The following CDYL2 variants were observed in gnomAD, a reference collection of about 807,000 sequenced individuals.
The protein encoded by CDYL2 is chromodomain Y-like protein 2.
CDYL2 carries 23 observed loss-of-function variants against 49.4 expected under a neutral mutation model. The ratio of observed to expected loss-of-function variants is 0.47; its 90% CI spans 0.34 to 0.66. The LOEUF (loss-of-function observed/expected upper bound fraction) is 0.66. CDYL2 is among the 30% of genes least tolerant of loss of function. The probability of loss-of-function intolerance (pLI) is 0.01; values close to 1 mark genes in which losing one functional copy is unlikely to be tolerated. For missense variants in CDYL2, 678 were observed against 656.4 expected (o/e 1.03, Z -0.36); for synonymous variants, 360 against 268.8 (o/e 1.34, Z -3.32).
intron 1 of CDYL2, among the ~76,000 whole-genome samples, chr16:80,777,057 G>C (rs1286483378): frequency 1.3e-5 from 2 of 151,978 alleles, no homozygotes; most frequent in African/African-American, 2.4e-5. Flanking sequence ...CCTAAGCTCA[G>C]GCAATCCGTC....
Position 80,684,230 on chromosome 16 carries a change from G to A in CDYL2, c.616+308C>T, listed in dbSNP as rs112347788. Among the ~76,000 whole-genome samples, 951 of 152,308 alleles carry A rather than the reference G, an allele frequency of 6.2e-3. 11 individuals are homozygous for A. The highest frequency in any genetic ancestry group is 0.02 in the African/African-American group (851 of 41,568). On this transcript the variant is annotated intron_variant, in intron 2 of 6. Coordinates refer to ENST00000570137, the MANE Select transcript of CDYL2 (RefSeq NM_152342.4). The stretch of plus-strand genomic sequence containing the variant: ...GGGTGAGGACTTGAGCTGCCCTCAG[G>A]GAAGTGGGTCTAGAGGGGTTACCAT...
chr16:80,750,963 T>C (rs540108677), intron 1 of CDYL2, among the ~76,000 whole-genome samples: 50 of 152,020 alleles, frequency 3.3e-4, no homozygotes, highest in Admixed American at 1.4e-3. Context: ...GAGCTTGCAG[T>C]GAGCCAAGAT....
chr16:80,648,025 A>C (rs1467149092), intron 2 of CDYL2, among the ~76,000 whole-genome samples: 1 of 152,168 alleles, frequency 6.6e-6, no homozygotes, highest in Non-Finnish European at 1.5e-5. Context: ...ATTAAGAGGG[A>C]ATTTTATAGC....
chr16:80,750,397 CAAA>C (rs201472206), intron 1 of CDYL2, among the ~76,000 whole-genome samples: 1 of 113,382 alleles, frequency 8.8e-6, no homozygotes, highest in Admixed American at 8.7e-5. Context: ...AGACTGGATC[CAAA>C]AAAAAAAAAA....
chr16:80,653,823 T>C (rs74610859), intron 2 of CDYL2, among the ~76,000 whole-genome samples: 2,548 of 152,316 alleles, frequency 0.017, 58 homozygotes, highest in African/African-American at 0.039. Context: ...CTTCAACCCA[T>C]GGTTCTTACA....
chr16:80,783,636 C>T (rs1206523511), intron 1 of CDYL2, among the ~76,000 whole-genome samples: 1 of 152,178 alleles, frequency 6.6e-6, no homozygotes, highest in Non-Finnish European at 1.5e-5. Context: ...ATTCAAAATA[C>T]CACGAAATAT....
At chr16:80,795,175 G>C (rs1428616346) in intron 1 of CDYL2, among the ~76,000 whole-genome samples, 1 of 152,188 alleles carries the variant, frequency 6.6e-6, no homozygotes, top group African/African-American at 2.4e-5. Context: ...TTTGAGGGGA[G>C]GGCAGTGGCC....
At position 80,783,012 on chromosome 16, in the gene CDYL2, A is replaced by G. The variant is rs1034318078; in HGVS notation, c.24+21138T>C. Among the ~76,000 whole-genome samples, 3 of 152,260 alleles carry G rather than the reference A, an allele frequency of 2.0e-5. No homozygotes were observed. The South Asian group carries it at 6.2e-4, about 32-fold the overall frequency. ...GTTCTGCCTTAAACATGACACCAAG[A>G]GCTAAGGCAATGAAAGAAAACACAG... On this transcript the variant is annotated intron_variant, in intron 1 of 6. Transcript: ENST00000570137.
rs190105191 is a variant in CDYL2, at chr16:80,674,421, C to G, written c.616+10117G>C. ...TCATCCTACTTGCTAGCTTCTTTTT[C>G]TTCTCCTTTTTTTTAAAACAAAAAC... On this transcript the variant is annotated intron_variant, in intron 2 of 6. Coordinates refer to ENST00000570137, the MANE Select transcript of CDYL2 (RefSeq NM_152342.4). 2.2e-3 allele frequency among the ~76,000 whole-genome samples: 264 copies of G among 122,332 alleles called. 2 individuals carry two copies. The highest frequency in any genetic ancestry group is 6.5e-3 in the African/African-American group (254 of 39,312). The allele number at this position is 122,332 out of a possible 152,430, so 80.3% of individuals were successfully genotyped here. A position where few individuals can be genotyped will look rare whatever the true frequency, so the allele number is the denominator to read the frequency against.
At chr16:80,680,675 T>G (rs1909934178) in intron 2 of CDYL2, among the ~76,000 whole-genome samples, 1 of 152,174 alleles carries the variant, frequency 6.6e-6, no homozygotes, top group Non-Finnish European at 1.5e-5. Context: ...GTTTTAAAAC[T>G]TTGAAGGACC....
At chr16:80,679,354 C>G (rs1039250599) in intron 2 of CDYL2, among the ~76,000 whole-genome samples, 1 of 152,122 alleles carries the variant, frequency 6.6e-6, no homozygotes, top group Non-Finnish European at 1.5e-5. Flanking sequence ...TGACCCTCCC[C>G]CAGTCACAAA....
In CDYL2 at chr16:80,600,592, TTAGTGAGAGTGTCTAAACTAA is replaced by T; in HGVS notation, c.*3775_*3795del. On this transcript the variant is annotated 3_prime_UTR_variant, in exon 7 of 7. Coordinates refer to ENST00000570137, the MANE Select transcript of CDYL2 (RefSeq NM_152342.4). The stretch of plus-strand genomic sequence containing the variant: ...TTTAGAGTCTTAAATACTGTGTATA[TTAGTGAGAGTGTCTAAACTAA>T]TATATACAACAGATATAAGTGTCTG... 1 of 152,308 alleles carries T rather than the reference TTAGTGAGAGTGTCTAAACTAA, an allele frequency of 6.6e-6. No homozygotes were observed. The highest frequency in any genetic ancestry group is 1.5e-5 in the Non-Finnish European group (1 of 68,020). 9.4% of individuals were successfully genotyped at this position (152,308 alleles called of 1,614,324 possible).
At chr16:80,626,655 G>T (rs1416913592) in intron 3 of CDYL2, among the ~76,000 whole-genome samples, 1 of 152,222 alleles carries the variant, frequency 6.6e-6, no homozygotes, top group Non-Finnish European at 1.5e-5. Flanking sequence ...CATGGCGTGT[G>T]CCTGGGTGAA....
chr16:80,756,878 T>C (rs564622090), intron 1 of CDYL2, among the ~76,000 whole-genome samples: 3 of 150,332 alleles, frequency 2.0e-5, no homozygotes, highest in South Asian at 2.1e-4. Flanking sequence ...AAAAAACACA[T>C]GATTTCATTA....
At chr16:80,778,349 G>A (rs967662512) in intron 1 of CDYL2, among the ~76,000 whole-genome samples, 3 of 151,660 alleles carry the variant, frequency 2.0e-5, no homozygotes, top group African/African-American at 4.8e-5. Flanking sequence ...CTGACAGAAA[G>A]ACAGGTAAGA....
intron 1 of CDYL2, among the ~76,000 whole-genome samples, chr16:80,720,258 A>C (rs1033364383): frequency 1.3e-5 from 2 of 152,112 alleles, no homozygotes; most frequent in African/African-American, 4.8e-5. Context: ...TTCCGTGCTG[A>C]ATCCTGGAAA....
At chr16:80,798,073 C>T (rs956740332) in intron 1 of CDYL2, among the ~76,000 whole-genome samples, 7 of 152,196 alleles carry the variant, frequency 4.6e-5, no homozygotes, top group African/African-American at 1.7e-4. Context: ...CAGAGCCTCA[C>T]TCTGTCACCC....
intron 4 of CDYL2, among the ~76,000 whole-genome samples, chr16:80,617,161 T>C (rs1906868841): frequency 6.6e-6 from 1 of 152,226 alleles, no homozygotes; most frequent in South Asian, 2.1e-4. Flanking sequence ...AGTTCATTCA[T>C]CAAACATTTG....
intron 1 of CDYL2, among the ~76,000 whole-genome samples, chr16:80,740,260 C>T (rs1905688168): frequency 6.6e-6 from 1 of 152,184 alleles, no homozygotes; most frequent in Non-Finnish European, 1.5e-5. Context: ...CTAAAACTTC[C>T]ATCATGTAGC....
Sources: gnomAD v4.1 joint callset for allele counts (sites outside exome capture counted in the v4.1 genomes callset) on GRCh38, gnomAD v4.1.1 for gene constraint, MANE v1.5 for transcripts, NCBI Gene and HGNC (gene_info 2026-07-23, HGNC 2026-07-21) for gene names.